Variants in PTPRN2 observed in about 807,000 individuals in gnomAD.
The protein encoded by PTPRN2 is receptor-type tyrosine-protein phosphatase N2.
PTPRN2 carries 74 observed loss-of-function variants against 118.8 expected under a neutral mutation model. That is an observed-to-expected ratio of 0.62 (90% confidence interval 0.52 to 0.76). The LOEUF is 0.76. Among genes scored for constraint, PTPRN2 ranks in the 30% least tolerant of loss-of-function variants. PTPRN2 has a pLI of 0.00. For missense variants in PTPRN2, 1,481 were observed against 1,394.4 expected (o/e 1.06, Z -0.99); for synonymous variants, 641 against 608.0 (o/e 1.05, Z -0.80).
At chr7:158,502,660 C>T (rs73528623) in intron 1 of PTPRN2, among the ~76,000 whole-genome samples, 34,545 of 152,252 alleles carry the variant, frequency 0.23, 4,105 homozygotes, top group East Asian at 0.39. Flanking sequence ...CAAACCTGGA[C>T]GTCACCACAC....
At chr7:158,227,218 A>C (rs1260525032) in intron 3 of PTPRN2, among the ~76,000 whole-genome samples, 1 of 152,174 alleles carries the variant, frequency 6.6e-6, no homozygotes. Flanking sequence ...TAGGAGAAAA[A>C]CAATAAAAAA....
intron 2 of PTPRN2, among the ~76,000 whole-genome samples, chr7:158,334,718 G>C (rs62480928): frequency 0.016 from 81 of 5,062 alleles, 9 homozygotes; most frequent in Non-Finnish European, 0.031. Context: ...ACCTGCAGAC[G>C]TCACACCCAC....
chr7:157,906,416 T>G (rs769522778), intron 11 of PTPRN2, among the ~76,000 whole-genome samples: 7 of 152,184 alleles, frequency 4.6e-5, no homozygotes, highest in African/African-American at 1.7e-4. Context: ...TGTCCATACT[T>G]TCCTATTTCA....
At chr7:158,533,901 C>G (rs1825438602) in intron 1 of PTPRN2, among the ~76,000 whole-genome samples, 1 of 152,254 alleles carries the variant, frequency 6.6e-6, no homozygotes, top group Non-Finnish European at 1.5e-5. Flanking sequence ...GCCGCCGTCA[C>G]AGCTGCTCTC....
At chr7:157,589,740 GA>G (rs1190649501) in intron 17 of PTPRN2, among the ~76,000 whole-genome samples, 1 of 152,218 alleles carries the variant, frequency 6.6e-6, no homozygotes, top group East Asian at 1.9e-4. Context: ...CCCTTCTTCA[GA>G]TTTAAATTAG....
chr7:157,948,657 G>A (rs896654327), intron 11 of PTPRN2, among the ~76,000 whole-genome samples: 5 of 152,158 alleles, frequency 3.3e-5, no homozygotes, highest in African/African-American at 7.2e-5. Context: ...AAGAGAGACT[G>A]ACAGAATACA....
intron 12 of PTPRN2, among the ~76,000 whole-genome samples, chr7:157,687,140 C>T (rs192499969): frequency 5.7e-4 from 86 of 152,092 alleles, no homozygotes; most frequent in Non-Finnish European, 9.1e-4. Flanking sequence ...TTATTTTGAC[C>T]GTGCCCCTGA....
intron 1 of PTPRN2, among the ~76,000 whole-genome samples, chr7:158,493,136 T>G (rs1218599807): frequency 6.6e-6 from 1 of 152,246 alleles, no homozygotes. Flanking sequence ...ATAGCAGGGC[T>G]GTGGTGCTCA....
intron 12 of PTPRN2, among the ~76,000 whole-genome samples, chr7:157,761,684 G>C (rs1456667625): frequency 6.7e-6 from 1 of 148,562 alleles, no homozygotes; most frequent in African/African-American, 2.5e-5. Flanking sequence ...CAGGACATAG[G>C]CATGGGCAAG....
chr7:157,841,062 C>T (rs368482068), intron 12 of PTPRN2, among the ~76,000 whole-genome samples: 16 of 152,354 alleles, frequency 1.1e-4, no homozygotes, highest in East Asian at 5.8e-4. Flanking sequence ...AAGTGCCAGC[C>T]GTGTCCGCCC....
chr7:157,747,539 C>T (rs371314213), intron 12 of PTPRN2, among the ~76,000 whole-genome samples: 11 of 75,388 alleles, frequency 1.5e-4, no homozygotes, highest in Admixed American at 6.6e-4. Flanking sequence ...GGCCTGCGTC[C>T]CTGAGCTGTG....
intron 11 of PTPRN2, among the ~76,000 whole-genome samples, chr7:157,995,296 C>T (rs1166734099): frequency 1.3e-5 from 2 of 151,960 alleles, no homozygotes; most frequent in African/African-American, 4.8e-5. Flanking sequence ...CGCCGCATCC[C>T]CAGCTTATAG....
chr7:158,330,632 A>G (rs1586294660), intron 2 of PTPRN2, among the ~76,000 whole-genome samples: 2 of 95,980 alleles, frequency 2.1e-5, no homozygotes, highest in African/African-American at 3.3e-5. Flanking sequence ...AAGAGGTGAC[A>G]TCTGCAGACG....
At chr7:158,184,982 GCTTTTTCCA>G (rs1825022645) in intron 5 of PTPRN2, among the ~76,000 whole-genome samples, 1 of 152,158 alleles carries the variant, frequency 6.6e-6, no homozygotes, top group African/African-American at 2.4e-5. Context: ...TTTGCCAAAT[GCTTTTTCCA>G]GTATCTACTG....
intron 3 of PTPRN2, among the ~76,000 whole-genome samples, chr7:158,273,916 AGCCGCAGACACAGGG>A (rs1279845563): frequency 4.3e-5 from 6 of 139,456 alleles, no homozygotes; most frequent in African/African-American, 1.4e-4. Flanking sequence ...ACGCGGGAGG[AGCCGCAGACACAGGG>A]GGAGCCGCAG....
At chr7:158,071,741 G>T in intron 11 of PTPRN2, among the ~76,000 whole-genome samples, 1 of 142,322 alleles carries the variant, frequency 7.0e-6, no homozygotes, top group African/African-American at 2.7e-5. Context: ...TGGTGGTGGA[G>T]GTGCTCATGG....
intron 2 of PTPRN2, among the ~76,000 whole-genome samples, chr7:158,414,553 G>A (rs1563264355): frequency 6.6e-6 from 1 of 152,224 alleles, no homozygotes; most frequent in Non-Finnish European, 1.5e-5. Context: ...TCATACATCA[G>A]AGCCACCCAC....
In PTPRN2 at chr7:157,653,015, G is replaced by A. The variant is rs1012097157; in HGVS notation, c.2196+3342C>T. Among the ~76,000 whole-genome samples, 4 of 152,200 alleles carry A rather than the reference G, an allele frequency of 2.6e-5. No homozygotes were observed. In the South Asian group the frequency reaches 6.2e-4, roughly 24 times the overall value. ...GTGGGGCCACAGCCAGGCCAGCCCC[G>A]CCTGAAGGTCTGGGCTCCGGGGCAG... On this transcript the variant is annotated intron_variant, in intron 14 of 22. Coordinates refer to ENST00000389418, the MANE Select transcript of PTPRN2 (RefSeq NM_002847.5).
At chr7:158,259,804 CCACGTGTCCCTTTGTGTA>C in intron 3 of PTPRN2, among the ~76,000 whole-genome samples, 1 of 145,380 alleles carries the variant, frequency 6.9e-6, no homozygotes, top group African/African-American at 2.5e-5. Context: ...ACGTATTTGT[CCACGTGTCCCTTTGTGTA>C]CACATATGTG....
Sources: allele counts gnomAD v4.1 joint callset (sites outside exome capture counted in the v4.1 genomes callset), GRCh38; gene constraint gnomAD v4.1.1; transcripts MANE v1.5; gene names NCBI Gene and HGNC (gene_info 2026-07-23, HGNC 2026-07-21).